The following CACNB2 variants were observed in gnomAD, a reference collection of about 807,000 sequenced individuals.
CACNB2 encodes voltage-dependent L-type calcium channel subunit beta-2.
CACNB2 carries 42 observed loss-of-function variants against 73.3 expected under a neutral mutation model. The ratio of observed to expected loss-of-function variants is 0.57; its 90% confidence interval spans 0.45 to 0.74. The LOEUF is 0.74. CACNB2 is among the 30% of genes least tolerant of loss of function. The pLI is 0.00. For missense variants in CACNB2, 940 were observed against 853.0 expected, an observed-to-expected ratio of 1.10 and a Z score of -1.27; for synonymous variants, 348 against 310.3, an observed-to-expected ratio of 1.12 and a Z score of -1.28.
intron 2 of CACNB2, among the ~76,000 whole-genome samples, chr10:18,377,098 A>T (rs2042829357): frequency 6.6e-6 from 1 of 152,236 alleles, no homozygotes; most frequent in African/African-American, 2.4e-5. Context: ...TGCCTGTATC[A>T]ACATATCTCA....
chr10:18,319,096 G>A (rs2040301460), intron 2 of CACNB2, among the ~76,000 whole-genome samples: 1 of 152,032 alleles, frequency 6.6e-6, no homozygotes, highest in African/African-American at 2.4e-5. Flanking sequence ...CCCATTACTG[G>A]GTATGTACCC....
intron 2 of CACNB2, among the ~76,000 whole-genome samples, chr10:18,386,539 A>G (rs2088485761): frequency 6.6e-6 from 1 of 150,618 alleles, no homozygotes; most frequent in Non-Finnish European, 1.5e-5. Context: ...AGTAGCTGGG[A>G]CTACAGGCGC....
At chr10:18,314,809 C>T (rs77874307) in intron 2 of CACNB2, among the ~76,000 whole-genome samples, 5,803 of 152,182 alleles carry the variant, frequency 0.038, 198 homozygotes, top group African/African-American at 0.09. Flanking sequence ...TACCAGTGCA[C>T]CTGAAGAGTA....
intron 2 of CACNB2, among the ~76,000 whole-genome samples, chr10:18,351,866 A>G (rs1012062178): frequency 5.3e-5 from 8 of 152,226 alleles, no homozygotes; most frequent in Non-Finnish European, 8.8e-5. Context: ...CATTGATTCA[A>G]CAAGTCAAAA....
At chr10:18,284,185 G>A (rs569127120) in intron 2 of CACNB2, among the ~76,000 whole-genome samples, 13 of 152,324 alleles carry the variant, frequency 8.5e-5, no homozygotes, top group South Asian at 6.2e-4. Context: ...GCAAAGTCAC[G>A]TCTTACGTGG....
In CACNB2 at chr10:18,539,827, A is replaced by ATCTG; in HGVS notation, c.*107_*110dup. On this transcript the variant is annotated 3_prime_UTR_variant, in exon 14 of 14. Transcript: ENST00000324631. ...GGGGTCTACACTGCAATCATATGTG[A>ATCTG]TCTGTCTTGTAATATTTTGTATTAT... 8.6e-7 allele frequency: 1 copy of ATCTG among 1,161,638 alleles called. No homozygotes were observed. The highest frequency in any genetic ancestry group is 1.2e-6 in the Non-Finnish European group (1 of 812,710). The allele number at this position is 1,161,638 out of a possible 1,614,324, so 72.0% of individuals were successfully genotyped here.
chr10:18,430,441 A>G (rs2045830970), intron 3 of CACNB2, among the ~76,000 whole-genome samples: 1 of 152,110 alleles, frequency 6.6e-6, no homozygotes. Context: ...CCTGCACTAC[A>G]TAGGGAGACC....
intron 2 of CACNB2, among the ~76,000 whole-genome samples, chr10:18,243,743 C>A (rs1331328): frequency 0.21 from 32,230 of 152,064 alleles, 3,901 homozygotes; most frequent in African/African-American, 0.32. Context: ...TTTCTACACA[C>A]ACCTGATCCC....
At chr10:18,339,492 G>A (rs553861919) in intron 2 of CACNB2, among the ~76,000 whole-genome samples, 51 of 152,210 alleles carry the variant, frequency 3.4e-4, no homozygotes, top group Admixed American at 1.2e-3. Flanking sequence ...CTGCACTACA[G>A]CCCGGGCAAC....
chr10:18,403,037 G>A (rs886398691), intron 3 of CACNB2, among the ~76,000 whole-genome samples: 2 of 152,074 alleles, frequency 1.3e-5, no homozygotes, highest in South Asian at 2.1e-4. Context: ...CCTCTAGTGC[G>A]GCTGCCATCA....
chr10:18,149,280 G>GA (rs1163725750), intron 1 of CACNB2, among the ~76,000 whole-genome samples: 5 of 151,972 alleles, frequency 3.3e-5, no homozygotes, highest in African/African-American at 1.2e-4. Context: ...AATTGGAAAA[G>GA]AAAAAAAGTG....
intron 2 of CACNB2, among the ~76,000 whole-genome samples, chr10:18,298,304 AGG>A (rs2039361463): frequency 6.6e-6 from 1 of 151,438 alleles, no homozygotes; most frequent in Non-Finnish European, 1.5e-5. Flanking sequence ...GGTGGGGCGG[AGG>A]TTGCAGTGAG....
rs762982462 is a variant in CACNB2, at chr10:18,464,418, T to TAAAAAAAAAAAAAAAAAAAAAAA, written c.334-33915_334-33914insAAAAAAAAAAAAAAAAAAAAAAA. On this transcript the variant is annotated intron_variant, in intron 3 of 13. Transcript: ENST00000324631. ...CAGAGTGAGACCCTGTCTCAAAAAT[T>TAAAAAAAAAAAAAAAAAAAAAAA]AAAAAAAAAAAAAAAAAAAAAAGAA... is the stretch of plus-strand genomic sequence containing the variant. Among the ~76,000 whole-genome samples the TAAAAAAAAAAAAAAAAAAAAAAA allele has an allele frequency of 4.6e-4, 39 of 85,294 alleles. 2 individuals carry two copies. Among genetic ancestry groups the TAAAAAAAAAAAAAAAAAAAAAAA allele is most frequent in the Non-Finnish European group, 6.7e-4 (29 of 43,376 alleles). The allele number at this position is 85,294 out of a possible 152,430, so 56.0% of individuals were successfully genotyped here. A position where few individuals can be genotyped will look rare whatever the true frequency, so the allele number is the denominator to read the frequency against.
intron 2 of CACNB2, among the ~76,000 whole-genome samples, chr10:18,243,905 G>A (rs2036761224): frequency 6.6e-6 from 1 of 152,138 alleles, no homozygotes; most frequent in Non-Finnish European, 1.5e-5. Flanking sequence ...CATGGCAAAT[G>A]GACTAAGACA....
At chr10:18,445,393 G>A (rs574556322) in intron 3 of CACNB2, among the ~76,000 whole-genome samples, 8 of 152,272 alleles carry the variant, frequency 5.3e-5, no homozygotes, top group Non-Finnish European at 1.2e-4. Context: ...GAAGAATGTG[G>A]AGAATTTTCT....
chr10:18,268,295 A>G (rs1008548336), intron 2 of CACNB2, among the ~76,000 whole-genome samples: 18 of 152,254 alleles, frequency 1.2e-4, no homozygotes, highest in African/African-American at 4.3e-4. Context: ...TGAACCTTTC[A>G]TCTCTGTTCT....
intron 3 of CACNB2, among the ~76,000 whole-genome samples, chr10:18,459,606 C>T (rs972277920): frequency 6.6e-6 from 1 of 152,162 alleles, no homozygotes; most frequent in South Asian, 2.1e-4. Context: ...GTTATTTCTC[C>T]CTTTTTTATT....
intron 2 of CACNB2, chr10:18,261,132 G>C: frequency 6.6e-7 from 1 of 1,522,950 alleles, no homozygotes; most frequent in Non-Finnish European, 8.8e-7. Flanking sequence ...CTACCTAGGA[G>C]GCAGAAGCTA....
intron 2 of CACNB2, among the ~76,000 whole-genome samples, chr10:18,374,059 A>G (rs1380032067): frequency 1.3e-5 from 2 of 152,256 alleles, no homozygotes; most frequent in South Asian, 2.1e-4. Flanking sequence ...AATTAACAGC[A>G]TATCAGGGAT....
Sources: gnomAD v4.1 joint callset for allele counts (sites outside exome capture counted in the v4.1 genomes callset) on GRCh38, gnomAD v4.1.1 for gene constraint, MANE v1.5 for transcripts, NCBI Gene and HGNC (gene_info 2026-07-23, HGNC 2026-07-21) for gene names.